The following PTPRD variants were observed in gnomAD, a reference collection of about 807,000 sequenced individuals.
PTPRD encodes receptor-type tyrosine-protein phosphatase delta.
Under a neutral mutation model 214.5 loss-of-function variants are expected in PTPRD, and 34 were observed. That is an observed-to-expected ratio of 0.16 (90% CI 0.12 to 0.21). PTPRD has a LOEUF of 0.21. PTPRD is among the 10% of genes least tolerant of loss of function. PTPRD has a pLI of 1.00. For synonymous variants in PTPRD, 1,128 were observed against 845.7 expected, an observed-to-expected ratio of 1.33 and a Z score of -5.79; for missense variants, 2,545 against 2,398.7, an observed-to-expected ratio of 1.06 and a Z score of -1.27.
chr9:10,007,785 C>A (rs1056794366), intron 4 of PTPRD, among the ~76,000 whole-genome samples: 1 of 151,798 alleles, frequency 6.6e-6, no homozygotes, highest in African/African-American at 2.4e-5. Context: ...ACTGCTTGTC[C>A]AAAATCAGAA....
intron 5 of PTPRD, among the ~76,000 whole-genome samples, chr9:9,849,351 A>T (rs2060121797): frequency 6.6e-6 from 1 of 152,088 alleles, no homozygotes. Flanking sequence ...CAGGCATCAA[A>T]TAAAAAAAAA....
At chr9:9,496,852 G>A (rs1273871192) in intron 8 of PTPRD, among the ~76,000 whole-genome samples, 1 of 152,172 alleles carries the variant, frequency 6.6e-6, no homozygotes, top group Non-Finnish European at 1.5e-5. Context: ...AGCAACTCAA[G>A]TGTCCATTGA....
chr9:10,095,714 C>G (rs758689658), intron 3 of PTPRD, among the ~76,000 whole-genome samples: 7 of 151,482 alleles, frequency 4.6e-5, no homozygotes, highest in Non-Finnish European at 7.4e-5. Context: ...GATAATTAGC[C>G]ATAATTACTC....
At chr9:9,928,275 C>G (rs1013001702) in intron 5 of PTPRD, among the ~76,000 whole-genome samples, 3 of 152,126 alleles carry the variant, frequency 2.0e-5, no homozygotes, top group African/African-American at 4.8e-5. Context: ...TCAATGCTAT[C>G]TTAATATTCT....
intron 13 of PTPRD, among the ~76,000 whole-genome samples, chr9:8,635,532 A>C (rs1044475351): frequency 3.2e-4 from 49 of 152,256 alleles, no homozygotes; most frequent in Middle Eastern, 3.4e-3. Context: ...TCCAATGGCA[A>C]ATTTCTAATT....
In PTPRD at chr9:9,509,144, C is replaced by A. The variant is rs192768534; in HGVS notation, c.-237+65588G>T. 3.4e-3 allele frequency among the ~76,000 whole-genome samples: 510 copies of A among 151,350 alleles called. 3 individuals are homozygous for A. The highest frequency in any genetic ancestry group is 0.011 in the African/African-American group (452 of 41,344). On this transcript the variant is annotated intron_variant, in intron 8 of 45. Coordinates refer to ENST00000381196, the MANE Select transcript of PTPRD (RefSeq NM_002839.4). Reference sequence around the variant, plus strand: ...AGCTCAGAAAGTAGATTATGGGGAGCAATACATGGAGGAAAAGCCATTCTA... The same window carrying A: ...AGCTCAGAAAGTAGATTATGGGGAGAAATACATGGAGGAAAAGCCATTCTA...
intron 2 of PTPRD, among the ~76,000 whole-genome samples, chr9:10,433,930 T>C (rs911468080): frequency 2.6e-5 from 4 of 151,926 alleles, no homozygotes; most frequent in Admixed American, 2.0e-4. Context: ...TGGAATACCA[T>C]TGGTAATGTA....
At chr9:10,479,509 T>C (rs956360210) in intron 2 of PTPRD, among the ~76,000 whole-genome samples, 4 of 151,972 alleles carry the variant, frequency 2.6e-5, no homozygotes, top group Admixed American at 2.6e-4. Context: ...AAGAATAACA[T>C]GCAGACAGAA....
At chr9:9,094,157 A>C (rs1383871826) in intron 10 of PTPRD, among the ~76,000 whole-genome samples, 1 of 152,164 alleles carries the variant, frequency 6.6e-6, no homozygotes, top group Admixed American at 6.5e-5. Flanking sequence ...AATGAATTGA[A>C]TTTGAAGTTG....
chr9:8,356,498 A>G (rs188527828), intron 39 of PTPRD, among the ~76,000 whole-genome samples: 107 of 152,348 alleles, frequency 7.0e-4, no homozygotes, highest in Admixed American at 1.4e-3. Context: ...AGTTCATGCA[A>G]TAAGTTTCAG....
intron 2 of PTPRD, among the ~76,000 whole-genome samples, chr9:10,602,635 C>A (rs10123930): frequency 6.6e-6 from 1 of 151,438 alleles, no homozygotes. Context: ...TACAATGTGA[C>A]GCAGTGGTGT....
chr9:10,590,883 G>C (rs1165965631), intron 2 of PTPRD, among the ~76,000 whole-genome samples: 1 of 150,548 alleles, frequency 6.6e-6, no homozygotes, highest in African/African-American at 2.4e-5. Context: ...TGAATACCTT[G>C]TATAATGCAA....
At chr9:10,209,256 C>G (rs982753865) in intron 3 of PTPRD, among the ~76,000 whole-genome samples, 1 of 152,044 alleles carries the variant, frequency 6.6e-6, no homozygotes, top group Non-Finnish European at 1.5e-5. Flanking sequence ...GAGAAAAACC[C>G]ATGAAAACAC....
intron 8 of PTPRD, among the ~76,000 whole-genome samples, chr9:9,572,025 T>C (rs1314307018): frequency 6.6e-6 from 1 of 150,944 alleles, no homozygotes; most frequent in Non-Finnish European, 1.5e-5. Context: ...AAATAGGACA[T>C]AAAAAACTTT....
chr9:8,984,050 T>C (rs1468732214), intron 11 of PTPRD, among the ~76,000 whole-genome samples: 1 of 152,128 alleles, frequency 6.6e-6, no homozygotes, highest in African/African-American at 2.4e-5. Flanking sequence ...ATATTTAGTA[T>C]GTGTGTTTTC....
chr9:10,026,318 A>G (rs1374721731), intron 4 of PTPRD, among the ~76,000 whole-genome samples: 3 of 152,210 alleles, frequency 2.0e-5, no homozygotes, highest in South Asian at 4.1e-4. Flanking sequence ...CTACTAGCCT[A>G]CAAATGGCAC....
intron 12 of PTPRD, among the ~76,000 whole-genome samples, chr9:8,675,835 T>G (rs189242907): frequency 6.2e-4 from 95 of 152,280 alleles, no homozygotes; most frequent in Non-Finnish European, 9.9e-4. Context: ...ATATTTACAG[T>G]AGCATCCCTA....
In PTPRD at chr9:10,442,331, T is replaced by C. The variant is rs184589428; in HGVS notation, c.-599-101314A>G. Among the ~76,000 whole-genome samples the C allele has an allele frequency of 1.8e-3, 272 of 151,810 alleles. 1 individual carries two copies. Among genetic ancestry groups the C allele is most frequent in the Admixed American group, 2.7e-3 (41 of 15,208 alleles). On this transcript the variant is annotated intron_variant, in intron 2 of 45. Transcript: ENST00000381196. ...GAAGGAAGTAGAAAAGATTTCTGAA[T>C]AGGTTTTAGTAGCACTTGCTAATTT...
At chr9:9,644,039 C>A (rs949434421) in intron 7 of PTPRD, among the ~76,000 whole-genome samples, 5 of 152,088 alleles carry the variant, frequency 3.3e-5, no homozygotes, top group African/African-American at 4.8e-5. Context: ...CAAAGATATG[C>A]TTTTTAAAAT....
Sources: allele counts gnomAD v4.1 joint callset (sites outside exome capture counted in the v4.1 genomes callset), GRCh38; gene constraint gnomAD v4.1.1; transcripts MANE v1.5; gene names NCBI Gene and HGNC (gene_info 2026-07-23, HGNC 2026-07-21).